The following NPAS2 variants were observed in gnomAD, a reference collection of about 807,000 sequenced individuals.
NPAS2 encodes the protein neuronal PAS domain protein 2.
NPAS2 carries 23 observed loss-of-function variants against 107.5 expected under a neutral mutation model. The observed-to-expected ratio is 0.21, with a 90% confidence interval of 0.15 to 0.30. NPAS2 has a LOEUF of 0.30. NPAS2 is among the 10% of genes least tolerant of loss of function. NPAS2 has a pLI of 1.00. For missense variants in NPAS2, 756 were observed against 1,043.3 expected, an observed-to-expected ratio of 0.72 and a Z score of 3.79; for synonymous variants, 403 against 417.5, an observed-to-expected ratio of 0.97 and a Z score of 0.42.
chr2:100,946,095 A>G (rs1283949866), intron 5 of NPAS2, among the ~76,000 whole-genome samples: 1 of 152,198 alleles, frequency 6.6e-6, no homozygotes, highest in Non-Finnish European at 1.5e-5. Flanking sequence ...CCTTGTAGTC[A>G]TTCTGTAACT....
At chr2:100,840,692 G>T (rs1478264309) in intron 1 of NPAS2, among the ~76,000 whole-genome samples, 1 of 151,920 alleles carries the variant, frequency 6.6e-6, no homozygotes, top group Non-Finnish European at 1.5e-5. Context: ...GAGTCGATCT[G>T]TCAGAGAACA....
At chr2:100,837,252 G>A (rs765384392) in intron 1 of NPAS2, among the ~76,000 whole-genome samples, 2 of 152,116 alleles carry the variant, frequency 1.3e-5, no homozygotes, top group South Asian at 2.1e-4. Flanking sequence ...GTAAAAGGCC[G>A]TATTGATCCT....
In NPAS2 at chr2:100,878,358, C is replaced by T. The variant is rs10196828; in HGVS notation, c.-22-26375C>T. 2.0e-3 allele frequency: 2,002 copies of T among 985,402 alleles called. 33 individuals carry two copies. The African/African-American group carries it at 0.032, about 16-fold the overall frequency. The allele number at this position is 985,402 out of a possible 1,614,324, so 61.0% of individuals were successfully genotyped here. On this transcript the variant is annotated intron_variant, in intron 1 of 20. Transcript: ENST00000335681. ...GCCAGGAGGAGACTGTCACCCACAA[C>T]GGAATGTCCTTCTTTGGAAGCAGCT...
chr2:100,966,349 A>G (rs2105164908), intron 10 of NPAS2, among the ~76,000 whole-genome samples: 1 of 152,236 alleles, frequency 6.6e-6, no homozygotes, highest in East Asian at 1.9e-4. Context: ...GCCACATACG[A>G]GGCGAACACA....
intron 1 of NPAS2, among the ~76,000 whole-genome samples, chr2:100,885,476 A>G (rs1219823172): frequency 6.6e-6 from 1 of 152,156 alleles, no homozygotes; most frequent in Non-Finnish European, 1.5e-5. Flanking sequence ...ATGATTATTT[A>G]GTTTTGTTCC....
At chr2:100,984,004 AG>A (rs1357712473) in intron 16 of NPAS2, 2 of 152,244 alleles carry the variant, frequency 1.3e-5, no homozygotes, top group African/African-American at 2.4e-5. Flanking sequence ...ACAGGCAGCA[AG>A]GTTATCGCTT....
chr2:100,882,738 G>A (rs1393403835), intron 1 of NPAS2, among the ~76,000 whole-genome samples: 1 of 152,322 alleles, frequency 6.6e-6, no homozygotes, highest in East Asian at 1.9e-4. Flanking sequence ...AGAGTGGTAT[G>A]GTCAGCGACC....
chr2:100,840,312 C>T (rs1424770060), intron 1 of NPAS2, among the ~76,000 whole-genome samples: 3 of 152,106 alleles, frequency 2.0e-5, no homozygotes, highest in Non-Finnish European at 2.9e-5. Flanking sequence ...TTAACTACAG[C>T]GAAGACTGTA....
At chr2:100,883,125 G>A (rs770330838) in intron 1 of NPAS2, among the ~76,000 whole-genome samples, 12 of 152,312 alleles carry the variant, frequency 7.9e-5, no homozygotes, top group Admixed American at 2.6e-4. Flanking sequence ...TTTGCATCCA[G>A]AAACCACAGG....
At chr2:100,979,503 T>TATATATATA (rs1491089539) in intron 15 of NPAS2, among the ~76,000 whole-genome samples, 13 of 39,566 alleles carry the variant, frequency 3.3e-4, no homozygotes, top group South Asian at 1.2e-3. Context: ...TATATATATA[T>TATATATATA]TTTTTTTTTT....
intron 1 of NPAS2, among the ~76,000 whole-genome samples, chr2:100,855,822 G>A (rs1017474910): frequency 3.3e-5 from 5 of 152,204 alleles, no homozygotes; most frequent in African/African-American, 1.2e-4. Flanking sequence ...CATGTCTGAT[G>A]AATCACTGGC....
chr2:100,916,724 T>C (rs1360080233), intron 2 of NPAS2, among the ~76,000 whole-genome samples: 1 of 152,180 alleles, frequency 6.6e-6, no homozygotes, highest in Non-Finnish European at 1.5e-5. Flanking sequence ...CAGAATCTGA[T>C]TGGTATTTAT....
At chr2:100,821,060 C>T (rs1445339271) in intron 1 of NPAS2, 2 of 1,304,050 alleles carry the variant, frequency 1.5e-6, no homozygotes, top group East Asian at 5.6e-5. Flanking sequence ...GAGATGTGCC[C>T]CTTTCCCAGC....
chr2:100,901,910 A>G (rs1468079515), intron 1 of NPAS2, among the ~76,000 whole-genome samples: 2 of 152,022 alleles, frequency 1.3e-5, no homozygotes, highest in Non-Finnish European at 2.9e-5. Context: ...TGTCTACGCC[A>G]CGTAGGACAC....
At chr2:100,958,766 C>T (rs959925827) in intron 7 of NPAS2, among the ~76,000 whole-genome samples, 6 of 152,102 alleles carry the variant, frequency 3.9e-5, no homozygotes, top group African/African-American at 7.2e-5. Context: ...ACTTTGAAGA[C>T]AGGGGCGAGG....
intron 1 of NPAS2, among the ~76,000 whole-genome samples, chr2:100,866,037 G>C (rs999534316): frequency 6.6e-6 from 1 of 152,152 alleles, no homozygotes; most frequent in African/African-American, 2.4e-5. Context: ...TTCATGCTCA[G>C]CAATTCCGTT....
chr2:100,934,693 C>T, intron 4 of NPAS2: 1 of 645,778 alleles, frequency 1.5e-6, no homozygotes, highest in Non-Finnish European at 1.9e-6. Context: ...AGACACAGAC[C>T]TAGTGCTGAG....
At chr2:100,936,464 G>A (rs1684306538) in intron 4 of NPAS2, among the ~76,000 whole-genome samples, 1 of 152,176 alleles carries the variant, frequency 6.6e-6, no homozygotes, top group Admixed American at 6.5e-5. Context: ...TCCAGTAAAA[G>A]TCTCCCTGAG....
At chr2:100,851,325 A>G (rs929560877) in intron 1 of NPAS2, among the ~76,000 whole-genome samples, 15 of 152,256 alleles carry the variant, frequency 9.9e-5, no homozygotes, top group Non-Finnish European at 1.5e-4. Flanking sequence ...TTAAAAATCA[A>G]AAATCCTGAA....
Sources: gnomAD v4.1 joint callset for allele counts (sites outside exome capture counted in the v4.1 genomes callset) on GRCh38, gnomAD v4.1.1 for gene constraint, MANE v1.5 for transcripts, NCBI Gene and HGNC (gene_info 2026-07-23, HGNC 2026-07-21) for gene names.